UNC13C: variants seen among roughly 807,000 people sequenced by gnomAD.
UNC13C encodes the protein protein unc-13 homolog C.
In UNC13C, 174 loss-of-function variants were observed where a neutral mutation model predicts 245.4. The ratio of observed to expected loss-of-function variants is 0.71; its 90% CI spans 0.63 to 0.80. The LOEUF (loss-of-function observed/expected upper bound fraction) is 0.80, where lower values mean the gene tolerates loss of function less well. UNC13C is among the 30% of genes least tolerant of loss of function. The pLI is 0.00. For synonymous variants in UNC13C, 992 were observed against 895.1 expected (o/e 1.11, Z -1.93); for missense variants, 2,829 against 2,602.9 (o/e 1.09, Z -1.89).
At chr15:54,216,855 T>G (rs1034962003) in intron 4 of UNC13C, among the ~76,000 whole-genome samples, 8 of 151,998 alleles carry the variant, frequency 5.3e-5, no homozygotes, top group Admixed American at 5.3e-4. Flanking sequence ...CTTAAGCCAG[T>G]TACATCATCT....
chr15:54,076,735 C>T (rs1405142220), intron 2 of UNC13C, among the ~76,000 whole-genome samples: 1 of 152,102 alleles, frequency 6.6e-6, no homozygotes, highest in Non-Finnish European at 1.5e-5. Flanking sequence ...AAATACACAC[C>T]TTTACCTTCA....
intron 17 of UNC13C, among the ~76,000 whole-genome samples, chr15:54,349,725 A>G (rs1425049120): frequency 6.6e-6 from 1 of 152,198 alleles, no homozygotes; most frequent in South Asian, 2.1e-4. Context: ...CTCTGGGTAC[A>G]TATTTTCACA....
chr15:54,130,923 A>T (rs146015925), intron 2 of UNC13C, among the ~76,000 whole-genome samples: 1 of 152,308 alleles, frequency 6.6e-6, no homozygotes, highest in Admixed American at 6.5e-5. Flanking sequence ...TGCGTGACCA[A>T]TGGTGTTATT....
chr15:54,221,661 TA>T (rs143892454), intron 4 of UNC13C, among the ~76,000 whole-genome samples: 11 of 150,454 alleles, frequency 7.3e-5, no homozygotes, highest in East Asian at 4.1e-4. Flanking sequence ...TCCATAATGC[TA>T]AAAAAAATAA....
intron 2 of UNC13C, among the ~76,000 whole-genome samples, chr15:54,120,738 C>T (rs900758050): frequency 2.6e-5 from 4 of 151,512 alleles, no homozygotes; most frequent in Non-Finnish European, 2.9e-5. Context: ...GGTCAAAATA[C>T]CAACATTAAT....
At chr15:54,316,723 C>G (rs1311287590) in intron 13 of UNC13C, among the ~76,000 whole-genome samples, 1 of 151,844 alleles carries the variant, frequency 6.6e-6, no homozygotes, top group Non-Finnish European at 1.5e-5. Flanking sequence ...ATGATCATTA[C>G]CTCAACTCTC....
At chr15:54,260,567 CAT>C (rs1046084750) in intron 8 of UNC13C, among the ~76,000 whole-genome samples, 13 of 148,672 alleles carry the variant, frequency 8.7e-5, no homozygotes, top group Non-Finnish European at 5.9e-5. Context: ...AATAAACACA[CAT>C]ATATGTATAT....
At chr15:53,896,217 T>A in the UNC13C span, among the ~76,000 whole-genome samples, 1 of 152,104 alleles carries the variant, frequency 6.6e-6, no homozygotes, top group Admixed American at 6.5e-5. Context: ...CTGTTTCATT[T>A]GGTGTTTGAT....
chr15:54,266,793 A>G (rs2036559538), intron 10 of UNC13C, among the ~76,000 whole-genome samples: 1 of 152,062 alleles, frequency 6.6e-6, no homozygotes, highest in Non-Finnish European at 1.5e-5. Flanking sequence ...CCTCATGGAA[A>G]GTCATCCCTT....
the UNC13C span, among the ~76,000 whole-genome samples, chr15:53,931,403 A>T: frequency 6.6e-6 from 1 of 152,104 alleles, no homozygotes; most frequent in East Asian, 1.9e-4. Context: ...TCCTGACCTC[A>T]AGTGATCCAC....
chr15:54,453,186 C>A (rs1323949539), intron 19 of UNC13C, among the ~76,000 whole-genome samples: 2 of 152,166 alleles, frequency 1.3e-5, no homozygotes, highest in South Asian at 2.1e-4. Flanking sequence ...AAGAAACATT[C>A]CCTTGGTAGG....
At chr15:54,405,955 G>A (rs774047595) in intron 18 of UNC13C, among the ~76,000 whole-genome samples, 47 of 147,824 alleles carry the variant, frequency 3.2e-4, no homozygotes, top group Non-Finnish European at 1.0e-4. Context: ...AATTAATACT[G>A]TTAGTTTACA....
chr15:54,390,016 A>T lies in UNC13C; in HGVS notation c.4714-3032A>T, dbSNP rs147589554. ...AGTGCTGGGATTACAGGCATGAGCC[A>T]CTGCGCCCGGCCCGTCTTTGCATTT... On this transcript the variant is annotated intron_variant, in intron 17 of 32. Coordinates refer to ENST00000260323, the MANE Select transcript of UNC13C (RefSeq NM_001080534.3). Among the ~76,000 whole-genome samples the T allele has an allele frequency of 6.1e-3, 935 of 152,262 alleles. 6 individuals are homozygous for T. Among genetic ancestry groups the T allele is most frequent in the African/African-American group, 0.019 (809 of 41,554 alleles).
chr15:54,063,610 C>T (rs1897942181), intron 2 of UNC13C, among the ~76,000 whole-genome samples: 1 of 151,948 alleles, frequency 6.6e-6, no homozygotes, highest in African/African-American at 2.4e-5. Context: ...GGTATTTTTC[C>T]AGCAATAGCA....
chr15:54,511,693 T>C (rs931377582), intron 23 of UNC13C, 60 bp from the exon 24 acceptor site: 1 of 1,205,782 alleles, frequency 8.3e-7, no homozygotes, highest in Non-Finnish European at 1.2e-6. Context: ...TAAGTTAAAC[T>C]CATTCAATAA....
Position 54,520,067 on chromosome 15 carries a change from A to G in UNC13C, c.5458-5482A>G, listed in dbSNP as rs77822845. Among the ~76,000 whole-genome samples, 71 of 152,298 alleles carry G rather than the reference A, an allele frequency of 4.7e-4. No individual in the cohort carries two copies. The East Asian group carries it at 0.012, about 27-fold the overall frequency. On this transcript the variant is annotated intron_variant, in intron 24 of 32. Transcript: ENST00000260323. Reference sequence around the variant, plus strand: ...AAGCCAGCTTGAAGGATGATACGCCAGTGTCATGATCATATTTGGGTTTAT... The same window carrying G: ...AAGCCAGCTTGAAGGATGATACGCCGGTGTCATGATCATATTTGGGTTTAT...
chr15:53,860,383 C>G, the UNC13C span, among the ~76,000 whole-genome samples: 1 of 152,058 alleles, frequency 6.6e-6, no homozygotes, highest in Admixed American at 6.6e-5. Flanking sequence ...ATCGAAGGGA[C>G]CAGTAGAAGT....
Position 54,255,625 on chromosome 15 carries a change from T to C in UNC13C, c.3448+5181T>C, listed in dbSNP as rs536330003. 1.5e-4 allele frequency among the ~76,000 whole-genome samples: 23 copies of C among 152,230 alleles called. 2 individuals are homozygous for C. In the South Asian group the frequency reaches 4.6e-3, roughly 30 times the overall value. On this transcript the variant is annotated intron_variant, in intron 8 of 32. Coordinates refer to ENST00000260323, the MANE Select transcript of UNC13C (RefSeq NM_001080534.3). ...TCCCGCTGCCTATGTGTTTGCTGGC[T>C]AGAGCATTAGGGTTTTTATAGGCAC... is the stretch of plus-strand genomic sequence containing the variant.
At chr15:53,994,849 A>C (rs974901130) in intron 1 of UNC13C, among the ~76,000 whole-genome samples, 2 of 152,128 alleles carry the variant, frequency 1.3e-5, no homozygotes, top group Admixed American at 6.6e-5. Flanking sequence ...AAACAAGATA[A>C]TGACCTCAAG....
Sources: allele counts gnomAD v4.1 joint callset (sites outside exome capture counted in the v4.1 genomes callset), GRCh38; gene constraint gnomAD v4.1.1; transcripts MANE v1.5; gene names NCBI Gene and HGNC (gene_info 2026-07-23, HGNC 2026-07-21).